Variants in ARHGEF26 observed in about 807,000 individuals in gnomAD.
ARHGEF26 encodes the protein Rho guanine nucleotide exchange factor (GEF) 26.
A neutral mutation model predicts 89.4 loss-of-function variants in ARHGEF26; 59 were observed. The ratio of observed to expected loss-of-function variants is 0.66; its 90% CI spans 0.54 to 0.82. The LOEUF is 0.82. Among genes scored for constraint, ARHGEF26 ranks in the 40% least tolerant of loss-of-function variants. The pLI is 0.00. For synonymous variants in ARHGEF26, 500 were observed against 428.4 expected, an observed-to-expected ratio of 1.17 and a Z score of -2.06; for missense variants, 1,234 against 1,085.6, an observed-to-expected ratio of 1.14 and a Z score of -1.92.
chr3:154,194,525 C>T (rs1228699198), intron 8 of ARHGEF26, 119 bp from the exon 9 acceptor site: 1 of 688,688 alleles, frequency 1.5e-6, no homozygotes, highest in South Asian at 1.9e-5. Flanking sequence ...TCCTCATACT[C>T]ATCCGTAATA....
chr3:154,195,043 C>T (rs1361387846), intron 9 of ARHGEF26, among the ~76,000 whole-genome samples: 1 of 152,112 alleles, frequency 6.6e-6, no homozygotes, highest in East Asian at 1.9e-4. Flanking sequence ...CTTGGAAATG[C>T]AGTGATGAGT....
At chr3:154,239,293 A>AGTGT (rs1717333585) in intron 11 of ARHGEF26, among the ~76,000 whole-genome samples, 3 of 59,036 alleles carry the variant, frequency 5.1e-5, no homozygotes, top group African/African-American at 1.7e-4. Flanking sequence ...AGAGAGAGAG[A>AGTGT]GAGAGAGTGT....
At chr3:154,182,939 TA>T (rs1049782285) in intron 6 of ARHGEF26, among the ~76,000 whole-genome samples, 3 of 152,116 alleles carry the variant, frequency 2.0e-5, no homozygotes, top group East Asian at 1.9e-4. Context: ...ACAAAAGACC[TA>T]AAAAAAATCC....
intron 2 of ARHGEF26, among the ~76,000 whole-genome samples, chr3:154,123,791 A>G (rs1193133969): frequency 6.6e-6 from 1 of 152,144 alleles, no homozygotes; most frequent in African/African-American, 2.4e-5. Context: ...GCTCCCCTAT[A>G]TTGTCCCATT....
intron 6 of ARHGEF26, among the ~76,000 whole-genome samples, chr3:154,177,187 G>A (rs1023642294): frequency 2.0e-5 from 3 of 152,258 alleles, no homozygotes; most frequent in South Asian, 2.1e-4. Context: ...AAGAAGTAAC[G>A]TATTTTATAA....
intron 9 of ARHGEF26, among the ~76,000 whole-genome samples, chr3:154,207,138 T>G (rs1715067595): frequency 6.6e-6 from 1 of 152,116 alleles, no homozygotes; most frequent in African/African-American, 2.4e-5. Context: ...ATGTAAACCT[T>G]AAAACTATAA....
At position 154,177,890 on chromosome 3, in the gene ARHGEF26, T is replaced by C. The variant is rs116843006; in HGVS notation, c.1488-9795T>C. On this transcript the variant is annotated intron_variant, in intron 6 of 14. Transcript: ENST00000465093. ...AGCCCCGGCCCTCCATCCATTTCTC[T>C]AGCTGCTGCACTTATTAAAAGGGCT... Among the ~76,000 whole-genome samples, 22 of 152,312 alleles carry C rather than the reference T, an allele frequency of 1.4e-4. No individual in the cohort carries two copies. The East Asian group carries it at 4.1e-3, about 28-fold the overall frequency.
intron 12 of ARHGEF26, among the ~76,000 whole-genome samples, chr3:154,250,975 AG>A (rs1718112678): frequency 1.3e-5 from 2 of 152,120 alleles, no homozygotes; most frequent in Admixed American, 1.3e-4. Flanking sequence ...AGAGAGAGAG[AG>A]AGAGAGAGGT....
chr3:154,137,289 G>A (rs1001833163), intron 4 of ARHGEF26, among the ~76,000 whole-genome samples: 6 of 152,152 alleles, frequency 3.9e-5, no homozygotes, highest in East Asian at 1.9e-4. Context: ...GAGCTAGCTC[G>A]TTAGCATGCT....
chr3:154,185,243 G>A (rs1200924058), intron 6 of ARHGEF26, among the ~76,000 whole-genome samples: 1 of 152,002 alleles, frequency 6.6e-6, no homozygotes, highest in Non-Finnish European at 1.5e-5. Context: ...TACAATTTAA[G>A]TTCCTACATT....
At chr3:154,242,463 A>C (rs1717531822) in intron 12 of ARHGEF26, among the ~76,000 whole-genome samples, 1 of 152,218 alleles carries the variant, frequency 6.6e-6, no homozygotes, top group South Asian at 2.1e-4. Flanking sequence ...AGAAATGGAG[A>C]CTGAAGATGC....
Position 154,240,356 on chromosome 3 carries a change from C to G in ARHGEF26, c.2091-14C>G, listed in dbSNP as rs141450050. 5,449 of 1,577,134 alleles carry G rather than the reference C, an allele frequency of 3.5e-3. 246 individuals are homozygous for G. The Admixed American group carries it at 0.081, about 23-fold the overall frequency. On this transcript the variant is annotated splice_polypyrimidine_tract_variant and intron_variant, in intron 11 of 14. Coordinates refer to ENST00000465093, the MANE Select transcript of ARHGEF26 (RefSeq NM_015595.4). ...GCTGAATAATTGACGTGTTCTTTTC[C>G]CTTTCCTTTACAGTGAAGAAAGTTA...
intron 9 of ARHGEF26, among the ~76,000 whole-genome samples, chr3:154,208,899 G>A (rs1364757010): frequency 6.6e-6 from 1 of 151,260 alleles, no homozygotes; most frequent in African/African-American, 2.4e-5. Flanking sequence ...CCAGGTAGCT[G>A]GGATTACAGG....
At chr3:154,232,330 T>G (rs1716876636) in intron 11 of ARHGEF26, among the ~76,000 whole-genome samples, 1 of 152,184 alleles carries the variant, frequency 6.6e-6, no homozygotes, top group Non-Finnish European at 1.5e-5. Context: ...TGAATGGGGA[T>G]CCTCATCTCC....
Position 154,129,502 on chromosome 3 carries a change from T to C in ARHGEF26, c.1124-72T>C, listed in dbSNP as rs1256851660. The C allele has an allele frequency of 6.0e-6, 9 of 1,501,678 alleles. No individual in the cohort carries two copies. The Admixed American group carries it at 8.5e-5, about 14-fold the overall frequency. The allele number at this position is 1,501,678 out of a possible 1,614,324, so 93.0% of individuals were successfully genotyped here. ...TTGGAGGCCAAACATTGGGTACATATGATGTTTATTTAGAACAAGTAACAT... is the reference window on the plus strand; with the variant it reads ...TTGGAGGCCAAACATTGGGTACATACGATGTTTATTTAGAACAAGTAACAT... On this transcript the variant is annotated intron_variant, in intron 3 of 14. Coordinates refer to ENST00000465093, the MANE Select transcript of ARHGEF26 (RefSeq NM_015595.4).
At chr3:154,219,316 CGGGCGA>C (rs1715970310) in intron 10 of ARHGEF26, among the ~76,000 whole-genome samples, 1 of 152,032 alleles carries the variant, frequency 6.6e-6, no homozygotes, top group East Asian at 1.9e-4. Context: ...CTGTCTAGGC[CGGGCGA>C]GGTGGCTCAT....
intron 4 of ARHGEF26, among the ~76,000 whole-genome samples, chr3:154,131,386 A>G (rs186205206): frequency 3.5e-3 from 530 of 152,362 alleles, no homozygotes; most frequent in Non-Finnish European, 6.3e-3. Context: ...TTTGCCCTCT[A>G]TGCTAACAGT....
chr3:154,175,255 G>A (rs1368278537), intron 6 of ARHGEF26, among the ~76,000 whole-genome samples: 1 of 152,156 alleles, frequency 6.6e-6, no homozygotes, highest in Non-Finnish European at 1.5e-5. Flanking sequence ...GTTTAAGCCT[G>A]ACATGGGCTG....
intron 9 of ARHGEF26, among the ~76,000 whole-genome samples, chr3:154,215,493 C>CT (rs113408006): frequency 3.1e-4 from 46 of 147,434 alleles, no homozygotes; most frequent in African/African-American, 6.5e-4. Context: ...ACTAAATAAA[C>CT]TTTTTTTTTT....
Sources: gnomAD v4.1 joint callset for allele counts (sites outside exome capture counted in the v4.1 genomes callset) on GRCh38, gnomAD v4.1.1 for gene constraint, MANE v1.5 for transcripts, NCBI Gene and HGNC (gene_info 2026-07-23, HGNC 2026-07-21) for gene names.